The following NRXN2 variants were observed in gnomAD, a reference collection of about 807,000 sequenced individuals.
NRXN2 encodes neurexin 2.
Under a neutral mutation model 128.8 loss-of-function variants are expected in NRXN2, and 29 were observed. The ratio of observed to expected loss-of-function variants is 0.23; its 90% confidence interval spans 0.17 to 0.31. The LOEUF is 0.31. Among genes scored for constraint, NRXN2 ranks in the 10% least tolerant of loss-of-function variants. The pLI is 1.00. For synonymous variants in NRXN2, 1,098 were observed against 1,075.2 expected, an observed-to-expected ratio of 1.02 and a Z score of -0.41; for missense variants, 1,881 against 2,452.6, an observed-to-expected ratio of 0.77 and a Z score of 4.92.
chr11:64,660,263 G>A lies in NRXN2; in HGVS notation c.2389+69C>T. 6.5e-7 allele frequency: 1 copy of A among 1,549,846 alleles called. No individual in the cohort carries two copies. Among genetic ancestry groups the A allele is most frequent in the African/African-American group, 1.4e-5 (1 of 73,688 alleles). On this transcript the variant is annotated intron_variant, in intron 11 of 22. Coordinates refer to ENST00000265459, the MANE Select transcript of NRXN2 (RefSeq NM_015080.4). The surrounding 1 kb of genome is among the most constrained non-coding windows in gnomAD (Gnocchi z 5.2). ...GCTGGTGCCACCACCAGCTTCTCCA[G>A]ACAGAGGCAGGTGTGGGTCAGAGAC...
chr11:64,656,048 A>G (rs139385962), intron 11 of NRXN2: 4 of 151,912 alleles, frequency 2.6e-5, no homozygotes, highest in African/African-American at 9.6e-5. Flanking sequence ...ATGGAAAGGA[A>G]CTCAGGGGAA....
At chr11:64,612,523 C>T (rs2040832269) in intron 22 of NRXN2, among the ~76,000 whole-genome samples, 1 of 152,262 alleles carries the variant, frequency 6.6e-6, no homozygotes, top group African/African-American at 2.4e-5. Flanking sequence ...GCCCCACTTA[C>T]TAGAGAATGC....
intron 6 of NRXN2, among the ~76,000 whole-genome samples, chr11:64,683,838 AG>A (rs1446541090): frequency 1.3e-5 from 2 of 152,076 alleles, no homozygotes; most frequent in East Asian, 3.9e-4. Context: ...CGGGAACCCC[AG>A]GAAGAAGCAG....
chr11:64,642,987 CG>C, intron 17 of NRXN2: 1 of 1,011,362 alleles, frequency 9.9e-7, no homozygotes, highest in Non-Finnish European at 1.2e-6. Flanking sequence ...GCCGGGAAAT[CG>C]GGGGTCCGCG....
chr11:64,712,232 C>A (rs2056982741), intron 2 of NRXN2, among the ~76,000 whole-genome samples: 2 of 147,538 alleles, frequency 1.4e-5, no homozygotes, highest in African/African-American at 5.0e-5. Context: ...CACTGGCCTT[C>A]CACACAGACC....
chr11:64,625,798 G>A (rs1407337326), intron 20 of NRXN2, among the ~76,000 whole-genome samples: 2 of 152,136 alleles, frequency 1.3e-5, no homozygotes, highest in Non-Finnish European at 2.9e-5. Context: ...AGCCAAGCAG[G>A]AGCAGAAATC....
intron 1 of NRXN2, among the ~76,000 whole-genome samples, chr11:64,718,555 C>A (rs1190387836): frequency 6.6e-6 from 1 of 152,222 alleles, no homozygotes; most frequent in African/African-American, 2.4e-5. Context: ...CAATCTAAAG[C>A]ATCCAACAGT....
At chr11:64,707,449 G>C (rs1256226476) in intron 2 of NRXN2, among the ~76,000 whole-genome samples, 2 of 152,076 alleles carry the variant, frequency 1.3e-5, no homozygotes, top group East Asian at 1.9e-4. Context: ...TGGGCCTAGG[G>C]AGTAGAGAAG....
At position 64,622,233 on chromosome 11, in the gene NRXN2, G is replaced by A. The variant is rs2042458491; in HGVS notation, c.4173+520C>T. 1.3e-5 allele frequency among the ~76,000 whole-genome samples: 2 copies of A among 152,166 alleles called. No individual in the cohort carries two copies. The highest frequency in any genetic ancestry group is 2.1e-4 in the South Asian group (1 of 4,836). On this transcript the variant is annotated intron_variant, in intron 21 of 22. Coordinates refer to ENST00000265459, the MANE Select transcript of NRXN2 (RefSeq NM_015080.4). This position sits in a 1 kb window ranked among gnomAD's most constrained non-coding sequence, Gnocchi z 4.3. ...CACTGCAGGGACCCCAGCAAACAAG[G>A]AGAGGCTCCTCCTAGCTTCCACCAG...
chr11:64,646,494 G>A (rs1290928913), intron 17 of NRXN2: 2 of 152,234 alleles, frequency 1.3e-5, no homozygotes, highest in Admixed American at 6.5e-5. Context: ...CTCCCCCGAG[G>A]ACTAAATGAG....
At chr11:64,655,662 T>A (rs1252771056) in intron 11 of NRXN2, among the ~76,000 whole-genome samples, 1 of 151,558 alleles carries the variant, frequency 6.6e-6, no homozygotes, top group Non-Finnish European at 1.5e-5. Flanking sequence ...GAATGGGGGG[T>A]CCATCTGTCC....
intron 4 of NRXN2, among the ~76,000 whole-genome samples, chr11:64,692,523 G>A (rs1480243070): frequency 2.0e-5 from 3 of 152,066 alleles, no homozygotes; most frequent in Admixed American, 6.5e-5. Flanking sequence ...CCAGGAAAAC[G>A]CAAAAAAAGG....
intron 22 of NRXN2, among the ~76,000 whole-genome samples, chr11:64,608,425 A>G (rs2040060643): frequency 6.6e-6 from 1 of 151,266 alleles, no homozygotes; most frequent in Admixed American, 6.6e-5. Context: ...CAGATACAAC[A>G]GCAGCATTTA....
intron 6 of NRXN2, among the ~76,000 whole-genome samples, chr11:64,682,894 G>A (rs2052507247): frequency 6.6e-6 from 1 of 152,206 alleles, no homozygotes; most frequent in South Asian, 2.1e-4. Context: ...TGTCTCATCA[G>A]GTGCCCCTGG....
intron 1 of NRXN2, among the ~76,000 whole-genome samples, chr11:64,719,762 C>G (rs2057386711): frequency 6.6e-6 from 1 of 152,066 alleles, no homozygotes; most frequent in Admixed American, 6.5e-5. Context: ...GCGGGTGCAC[C>G]CCAGTGATGC....
intron 2 of NRXN2, among the ~76,000 whole-genome samples, chr11:64,710,937 C>T (rs556705217): frequency 9.2e-5 from 14 of 152,342 alleles, no homozygotes; most frequent in African/African-American, 3.4e-4. Flanking sequence ...AACAGCTGAA[C>T]TCCTTGGAGA....
At chr11:64,618,942 G>A (rs2041928169) in intron 22 of NRXN2, among the ~76,000 whole-genome samples, 1 of 152,136 alleles carries the variant, frequency 6.6e-6, no homozygotes, top group African/African-American at 2.4e-5. Flanking sequence ...AAACCCCTCT[G>A]CCCTTGGTTT....
chr11:64,620,344 G>A lies in NRXN2; in HGVS notation c.4202C>T (p.Ala1401Val). ...QNTDDLLVASAECPSDDEDLE... is the reference protein window; with the variant it reads ...QNTDDLLVASVECPSDDEDLE... ...GTCCTCATCATCGCTTGGACACTCA[G>A]CAGAGGCCACCAGCAGGTCATCTGT... The change falls in exon 22 of 23, where the codon GCT becomes GTT. Residue 1401 changes from alanine to valine, a missense_variant. Ala to Val is a moderately conservative substitution (Grantham distance 64, BLOSUM62 0). Around this residue, in one of 7 missense-constraint regions of NRXN2, gnomAD observed 108 missense variants for 165.2 expected, o/e 0.65. Coordinates refer to ENST00000265459, the MANE Select transcript of NRXN2 (RefSeq NM_015080.4). The A allele has an allele frequency of 6.4e-7, 1 of 1,554,376 alleles. No homozygotes were observed. Among genetic ancestry groups the A allele is most frequent in the Non-Finnish European group, 8.7e-7 (1 of 1,148,428 alleles).
intron 6 of NRXN2, among the ~76,000 whole-genome samples, chr11:64,681,044 C>A (rs2052175370): frequency 6.8e-6 from 1 of 147,540 alleles, no homozygotes; most frequent in Non-Finnish European, 1.5e-5. Flanking sequence ...TTGCAGTGAG[C>A]TGAGACTGCG....
Sources: allele counts gnomAD v4.1 joint callset (sites outside exome capture counted in the v4.1 genomes callset), GRCh38; gene constraint gnomAD v4.1.1; regional missense constraint gnomAD v4.1.1; non-coding constraint Gnocchi (gnomAD v3.1); transcripts MANE v1.5; gene names NCBI Gene and HGNC (gene_info 2026-07-23, HGNC 2026-07-21).